The following MSH5 variants were observed in gnomAD, a reference collection of about 807,000 sequenced individuals.
The protein encoded by MSH5 is mutS homolog 5, also known as mutS protein homolog 5.
MSH5 carries 78 observed loss-of-function variants against 107.7 expected under a neutral mutation model. That is an observed-to-expected ratio of 0.72 (90% CI 0.60 to 0.87). The LOEUF is 0.87. Ranked by LOEUF, MSH5 falls within the 40% of genes least tolerant of loss-of-function variation. MSH5 has a pLI of 0.00. For missense variants in MSH5, 889 were observed against 1,046.6 expected (o/e 0.85, Z 2.08); for synonymous variants, 326 against 399.5 (o/e 0.82, Z 2.19).
Position 31,761,176 on chromosome 6 carries a change from T to C in MSH5, c.1963-12T>C. The C allele has an allele frequency of 6.2e-7, 1 of 1,612,946 alleles. No homozygotes were observed. Among genetic ancestry groups the C allele is most frequent in the Non-Finnish European group, 8.5e-7 (1 of 1,179,492 alleles). On this transcript the variant is annotated splice_polypyrimidine_tract_variant and intron_variant, in intron 20 of 24. Transcript: ENST00000375750. This position sits in a 1 kb window ranked among gnomAD's most constrained non-coding sequence, Gnocchi z 5.3. Reference sequence around the variant, plus strand: ...AATACTAACTTTCCCTTGTCCACCTTATACCCAGCAGGTGGCGAAAGCAGT... The same window carrying C: ...AATACTAACTTTCCCTTGTCCACCTCATACCCAGCAGGTGGCGAAAGCAGT...
intron 9 of MSH5, 55 bp downstream of exon 9, chr6:31,745,374 T>C: frequency 7.9e-7 from 1 of 1,272,950 alleles, no homozygotes; most frequent in Non-Finnish European, 1.1e-6. Context: ...GAAAAGCAAT[T>C]GGCTCCAAAG....
intron 3 of MSH5, 52 bp from the exon 4 acceptor site, chr6:31,742,825 T>C: frequency 6.3e-7 from 1 of 1,575,054 alleles, no homozygotes; most frequent in Non-Finnish European, 8.7e-7. Context: ...GGTTTTCTCT[T>C]AGTCAAAGAC....
Position 31,761,253 on chromosome 6 carries a change from A to G in MSH5, c.2028A>G (p.Gly676=), listed in dbSNP as rs759993593. 1.7e-5 allele frequency: 28 copies of G among 1,613,822 alleles called. No homozygotes were observed. In the East Asian group the frequency reaches 6.0e-4, roughly 35 times the overall value. ...SLVLIDEFGK[G]TNTVDGLALL... The stretch of plus-strand genomic sequence containing the variant: ...TCCTTATTGATGAATTTGGAAAGGG[A>G]ACCAACACGGTGAGGGGAGAAACTG... The change falls in exon 21 of 25, where the codon GGA becomes GGG. Residue 676 remains glycine (G), a synonymous_variant. Transcript: ENST00000375750. The surrounding 1 kb of genome is among the most constrained non-coding windows in gnomAD (Gnocchi z 5.3).
chr6:31,754,409 C>T (rs1434892224), intron 12 of MSH5, among the ~76,000 whole-genome samples: 1 of 152,184 alleles, frequency 6.6e-6, no homozygotes, highest in African/African-American at 2.4e-5. Flanking sequence ...CTCGGCCTCC[C>T]AAAGTGCTAG....
rs1052385813 is a variant in MSH5 at position 31,759,539 on chromosome 6, A to G, written c.1495+27A>G. On this transcript the variant is annotated intron_variant, in intron 17 of 24. Transcript: ENST00000375750. This position sits in a 1 kb window ranked among gnomAD's most constrained non-coding sequence, Gnocchi z 4.7. ...TGAGGAAAAGCCAGAGGTTATATGC[A>G]TTGTAAGATGTTTAAAAAAAGCAGC... The G allele has an allele frequency of 1.7e-5, 28 of 1,608,942 alleles. No individual in the cohort carries two copies. Among genetic ancestry groups the G allele is most frequent in the Non-Finnish European group, 2.3e-5 (27 of 1,177,574 alleles).
Position 31,743,926 on chromosome 6 carries a change from C to A in MSH5, c.438C>A (p.Arg146=). ...TAGGTCTGGAGATAAGCAAACAACGCCTCCTTTCTGGAAACTACTCCTTCA... is the reference window on the plus strand; with the variant it reads ...TAGGTCTGGAGATAAGCAAACAACGACTCCTTTCTGGAAACTACTCCTTCA... ...VDFGLEISKQ[R]LLSGNYSFIP... Residue 146 remains arginine, a synonymous_variant, in exon 6 of 25, where the codon CGC becomes CGA. Coordinates refer to ENST00000375750, the MANE Select transcript of MSH5 (RefSeq NM_172166.4). 1 of 1,613,412 alleles carries A rather than the reference C, an allele frequency of 6.2e-7. No homozygotes were observed. Among genetic ancestry groups the A allele is most frequent in the African/African-American group, 1.3e-5 (1 of 75,036 alleles).
chr6:31,747,719 T>A (rs1809588527), intron 10 of MSH5, among the ~76,000 whole-genome samples: 2 of 152,032 alleles, frequency 1.3e-5, no homozygotes, highest in South Asian at 4.1e-4. Context: ...AAACACAAAA[T>A]GTAAGGCCGG....
Position 31,743,929 on chromosome 6 carries a change from C to G in MSH5, c.441C>G (p.Leu147=). ...DFGLEISKQR[L]LSGNYSFIPD... ...GTCTGGAGATAAGCAAACAACGCCTCCTTTCTGGAAACTACTCCTTCATCC... is the reference window on the plus strand; with the variant it reads ...GTCTGGAGATAAGCAAACAACGCCTGCTTTCTGGAAACTACTCCTTCATCC... Residue 147 remains leucine, a synonymous_variant, in exon 6 of 25, where the codon CTC becomes CTG. Transcript: ENST00000375750. The G allele has an allele frequency of 6.2e-7, 1 of 1,613,474 alleles. No homozygotes were observed. The highest frequency in any genetic ancestry group is 2.2e-5 in the East Asian group (1 of 44,876).
chr6:31,750,415 A>G (rs1222920579), intron 10 of MSH5, among the ~76,000 whole-genome samples: 2 of 152,220 alleles, frequency 1.3e-5, no homozygotes, highest in Non-Finnish European at 2.9e-5. Flanking sequence ...ATGTCACAGT[A>G]TGCTCTAAAG....
intron 12 of MSH5, chr6:31,754,031 C>CTT: frequency 6.3e-6 from 1 of 158,368 alleles, no homozygotes; most frequent in South Asian, 1.6e-4. Flanking sequence ...CGGCCTCCCT[C>CTT]TTTTTTTTTT....
At position 31,762,423 on chromosome 6, in the gene MSH5, C is replaced by G. The variant is rs919795720; in HGVS notation, c.2397C>G (p.Cys799Trp). 2.5e-6 allele frequency: 4 copies of G among 1,610,022 alleles called. No homozygotes were observed. Among genetic ancestry groups the G allele is most frequent in the Admixed American group, 1.7e-5 (1 of 59,908 alleles). Residue 799 changes from cysteine to tryptophan, a missense_variant, in exon 25 of 25, where the codon TGC becomes TGG. Around this residue, in one of 3 missense-constraint regions of MSH5, gnomAD observed 362 missense variants for 456.2 expected, o/e 0.79. Transcript: ENST00000375750. ...DLLKKNQMEN[C>W]QTLVDKFMKL... The stretch of plus-strand genomic sequence containing the variant: ...TGCGATTTTCTCTCTTCTTCAGTTG[C>G]CAGACATTAGTGGATAAGTTTATGA...
chr6:31,752,769 G>A (rs1810082797), intron 10 of MSH5, among the ~76,000 whole-genome samples: 1 of 148,596 alleles, frequency 6.7e-6, no homozygotes, highest in Non-Finnish European at 1.5e-5. Context: ...CCCCTTAAAT[G>A]TCCCTCCCCA....
At chr6:31,741,330 A>C (rs1323798274) in intron 3 of MSH5, 44 bp downstream of exon 3, 1 of 1,315,972 alleles carries the variant, frequency 7.6e-7, no homozygotes. Flanking sequence ...GGGATTGCAG[A>C]TGTGTTACAC....
At chr6:31,747,360 G>A in intron 9 of MSH5, 27 bp from the exon 10 acceptor site, 1 of 1,612,544 alleles carries the variant, frequency 6.2e-7, no homozygotes, top group Non-Finnish European at 8.5e-7. Flanking sequence ...CTTGTAACAA[G>A]TTCACTCCCT....
chr6:31,761,872 G>A lies in MSH5; in HGVS notation c.2236G>A (p.Glu746Lys), dbSNP rs750069319. 16 of 1,613,106 alleles carry A rather than the reference G, an allele frequency of 9.9e-6. No homozygotes were observed. The highest frequency in any genetic ancestry group is 5.0e-5 in the Admixed American group (3 of 60,008). The part of the protein sequence containing the change: ...NDLVFFYQVC[E>K]GVAKASHASH... ...TCTTGTCTTCTTCTATCAGGTTTGC[G>A]AAGGTGTTGCGAAGGCCAGCCATGC... The change falls in exon 23 of 25, where the codon GAA (glutamate) becomes AAA (lysine). Residue 746 changes from glutamate (E) to lysine (K), a missense_variant. Glu to Lys is a moderately conservative substitution (Grantham distance 56). Transcript: ENST00000375750. This position sits in a 1 kb window ranked among gnomAD's most constrained non-coding sequence, Gnocchi z 5.3.
chr6:31,758,306 A>G lies in MSH5; in HGVS notation c.1143+13A>G, dbSNP rs1485439073. 6.2e-7 allele frequency: 1 copy of G among 1,611,894 alleles called. No homozygotes were observed. The highest frequency in any genetic ancestry group is 8.5e-7 in the Non-Finnish European group (1 of 1,179,354). On this transcript the variant is annotated intron_variant, in intron 13 of 24. Transcript: ENST00000375750. This position sits in a 1 kb window ranked among gnomAD's most constrained non-coding sequence, Gnocchi z 5.1. ...CATTGGGAAAGTAGTGAGTAGAAGG[A>G]AAAAGGGAGTGCACCCAGGGAGGTC... is the stretch of plus-strand genomic sequence containing the variant.
chr6:31,744,055 G>A lies in MSH5; in HGVS notation c.537+30G>A, dbSNP rs758030675. On this transcript the variant is annotated intron_variant, in intron 6 of 24. Transcript: ENST00000375750. ...GATTGGTCCTGGGGGATAAGGGCTG[G>A]GAGGCGGCACAAGTGCTAGGGCTGA... The A allele has an allele frequency of 5.6e-6, 9 of 1,613,170 alleles. No individual in the cohort carries two copies. The South Asian group carries it at 9.9e-5, about 18-fold the overall frequency.
At chr6:31,753,833 A>G (rs1010108747) in intron 12 of MSH5, 20 of 528,620 alleles carry the variant, frequency 3.8e-5, no homozygotes, top group East Asian at 6.1e-5. Context: ...GGTTCAAGCA[A>G]TTCTGCCTCA....
chr6:31,755,337 CATTTATTT>C (rs60849631), intron 12 of MSH5, among the ~76,000 whole-genome samples: 11,741 of 144,960 alleles, frequency 0.081, 592 homozygotes, highest in Non-Finnish European at 0.11. Flanking sequence ...TTTTTGCTTG[CATTTATTT>C]ATTTATTTAT....
Sources: allele counts gnomAD v4.1 joint callset (sites outside exome capture counted in the v4.1 genomes callset), GRCh38; gene constraint gnomAD v4.1.1; regional missense constraint gnomAD v4.1.1; non-coding constraint Gnocchi (gnomAD v3.1); transcripts MANE v1.5; gene names NCBI Gene and HGNC (gene_info 2026-07-23, HGNC 2026-07-21).